The following NALCN variants were observed in gnomAD, a reference collection of about 807,000 sequenced individuals.
NALCN encodes the protein sodium leak channel NALCN.
Under a neutral mutation model 225.3 loss-of-function variants are expected in NALCN, and 111 were observed. That is an observed-to-expected ratio of 0.49 (90% CI 0.42 to 0.58). NALCN has a LOEUF of 0.58. Among genes scored for constraint, NALCN ranks in the 20% least tolerant of loss-of-function variants. The pLI is 0.00. For synonymous variants in NALCN, 764 were observed against 769.0 expected, an observed-to-expected ratio of 0.99 and a Z score of 0.11; for missense variants, 1,378 against 2,202.4, an observed-to-expected ratio of 0.63 and a Z score of 7.49.
intron 6 of NALCN, among the ~76,000 whole-genome samples, chr13:101,351,904 T>C (rs1216434664): frequency 2.0e-5 from 3 of 152,218 alleles, no homozygotes; most frequent in Admixed American, 2.0e-4. Flanking sequence ...CGTCTTTCTC[T>C]ACAGATATGG....
intron 13 of NALCN, among the ~76,000 whole-genome samples, chr13:101,206,853 A>G (rs1327951204): frequency 6.6e-6 from 1 of 151,894 alleles, no homozygotes; most frequent in Non-Finnish European, 1.5e-5. Flanking sequence ...TCAGCTGCAA[A>G]TATAGTTTGG....
In NALCN at chr13:101,232,205, G is replaced by A. The variant is rs745964621; in HGVS notation, c.1435-2621C>T. On this transcript the variant is annotated intron_variant, in intron 12 of 43. Coordinates refer to ENST00000251127, the MANE Select transcript of NALCN (RefSeq NM_052867.4). Reference sequence around the variant, plus strand: ...TGAATTTTGCCATACCTGAAACCACGTTTACTGCATTTACTTTGATTTAAC... The same window carrying A: ...TGAATTTTGCCATACCTGAAACCACATTTACTGCATTTACTTTGATTTAAC... Among the ~76,000 whole-genome samples the A allele has an allele frequency of 2.6e-4, 39 of 151,488 alleles. 1 individual carries two copies. Among genetic ancestry groups the A allele is most frequent in the Admixed American group, 2.0e-3 (30 of 15,204 alleles).
chr13:101,369,166 ATGTGTGTGTGTG>A (rs56739782), intron 6 of NALCN, among the ~76,000 whole-genome samples: 9 of 146,432 alleles, frequency 6.1e-5, no homozygotes, highest in African/African-American at 1.8e-4. Flanking sequence ...GACAAAATAA[ATGTGTGTGTGTG>A]TGTGTGTGTG....
At chr13:101,060,052 C>T in intron 41 of NALCN, 85 bp from the exon 42 acceptor site, 1 of 1,499,142 alleles carries the variant, frequency 6.7e-7, no homozygotes, top group Non-Finnish European at 9.1e-7. Context: ...TTTCTTCTCC[C>T]CTCTCCTAAG....
intron 10 of NALCN, among the ~76,000 whole-genome samples, chr13:101,269,196 A>C (rs2140246456): frequency 7.8e-6 from 1 of 127,594 alleles, no homozygotes; most frequent in Non-Finnish European, 1.6e-5. Context: ...GTGTCCAGAA[A>C]GAGTAGAAAA....
At chr13:101,262,495 G>A (rs2042461279) in intron 10 of NALCN, among the ~76,000 whole-genome samples, 1 of 152,086 alleles carries the variant, frequency 6.6e-6, no homozygotes, top group Non-Finnish European at 1.5e-5. Flanking sequence ...ATCTGCCCAG[G>A]GACTAGCGCC....
chr13:101,235,542 A>G (rs1343006148), intron 12 of NALCN, among the ~76,000 whole-genome samples: 2 of 152,234 alleles, frequency 1.3e-5, no homozygotes, highest in Admixed American at 1.3e-4. Flanking sequence ...AGAGCAGTGC[A>G]CAAGAGCTTA....
At chr13:101,152,948 T>A (rs2037722886) in intron 15 of NALCN, among the ~76,000 whole-genome samples, 1 of 152,076 alleles carries the variant, frequency 6.6e-6, no homozygotes, top group African/African-American at 2.4e-5. Context: ...TGTGAGATGA[T>A]TCTTCGTTAA....
At chr13:101,065,283 A>C in intron 40 of NALCN, 121 bp downstream of exon 40, 1 of 1,064,304 alleles carries the variant, frequency 9.4e-7, no homozygotes, top group East Asian at 2.4e-5. Flanking sequence ...CCACTTCACG[A>C]CCACAGCAGA....
intron 7 of NALCN, among the ~76,000 whole-genome samples, chr13:101,304,762 T>TC (rs1184725848): frequency 2.0e-5 from 3 of 148,488 alleles, no homozygotes; most frequent in African/African-American, 2.5e-5. Flanking sequence ...TCTTTTCTTT[T>TC]TTTTTTTTTT....
intron 10 of NALCN, among the ~76,000 whole-genome samples, chr13:101,271,654 G>A (rs979691315): frequency 6.6e-6 from 1 of 151,816 alleles, no homozygotes; most frequent in Admixed American, 6.6e-5. Context: ...GTATGTGTGA[G>A]CATGCATGAT....
chr13:101,114,252 A>G (rs2035588503), intron 18 of NALCN, among the ~76,000 whole-genome samples: 1 of 152,208 alleles, frequency 6.6e-6, no homozygotes, highest in Non-Finnish European at 1.5e-5. Context: ...TGCAGAGAAC[A>G]ATAATGCCTT....
At chr13:101,177,550 T>C (rs551475995) in intron 14 of NALCN, among the ~76,000 whole-genome samples, 1 of 151,782 alleles carries the variant, frequency 6.6e-6, no homozygotes, top group African/African-American at 2.4e-5. Context: ...TTTCCTCTTT[T>C]AAAAAATGTT....
chr13:101,284,062 G>A, intron 9 of NALCN, 43 bp from the exon 10 acceptor site: 1 of 1,537,546 alleles, frequency 6.5e-7, no homozygotes. Context: ...CATTTAATAT[G>A]GAACATTGAG....
chr13:101,373,887 G>GA (rs1214753487), intron 6 of NALCN, among the ~76,000 whole-genome samples: 3 of 151,962 alleles, frequency 2.0e-5, no homozygotes, highest in Admixed American at 1.3e-4. Context: ...AATTCTGACA[G>GA]AAAAAGGAAA....
intron 7 of NALCN, among the ~76,000 whole-genome samples, chr13:101,300,191 C>T (rs558963): frequency 0.54 from 82,320 of 151,756 alleles, 22,581 homozygotes; most frequent in African/African-American, 0.62. Flanking sequence ...CAGAGATTTA[C>T]TAAACGATAA....
chr13:101,302,987 C>T (rs2139105340), intron 7 of NALCN, among the ~76,000 whole-genome samples: 1 of 152,170 alleles, frequency 6.6e-6, no homozygotes, highest in Non-Finnish European at 1.5e-5. Flanking sequence ...CAAGAAAGCT[C>T]TGTACTGTAT....
chr13:101,072,140 A>G (rs1240397531), intron 37 of NALCN, among the ~76,000 whole-genome samples: 1 of 152,232 alleles, frequency 6.6e-6, no homozygotes, highest in Non-Finnish European at 1.5e-5. Flanking sequence ...AAAACAGATA[A>G]TAATGAAAAA....
chr13:101,110,665 CTGTT>C lies in NALCN; in HGVS notation c.2314_2317del (p.Asn772AlafsTer13). 1 of 1,614,106 alleles carries C rather than the reference CTGTT, an allele frequency of 6.2e-7. No individual in the cohort carries two copies. The highest frequency in any genetic ancestry group is 8.5e-7 in the Non-Finnish European group (1 of 1,179,972). Reference sequence around the variant, plus strand: ...AGATTTTCCCCTGCTGATCCTCTGGCTGTTTGATCCATGTCTTAGTGACCTAAAA... The same window carrying C: ...AGATTTTCCCCTGCTGATCCTCTGGCTGATCCATGTCTTAGTGACCTAAAA... On this transcript the variant is annotated frameshift_variant, in exon 20 of 44. Coordinates refer to ENST00000251127, the MANE Select transcript of NALCN (RefSeq NM_052867.4). LOFTEE classifies it high-confidence loss of function.
Sources: allele counts gnomAD v4.1 joint callset (sites outside exome capture counted in the v4.1 genomes callset), GRCh38; gene constraint gnomAD v4.1.1; transcripts MANE v1.5; gene names NCBI Gene and HGNC (gene_info 2026-07-23, HGNC 2026-07-21).